Variants in DPYSL2 observed in about 807,000 individuals in gnomAD.
DPYSL2 encodes dihydropyrimidinase like 2, also known as dihydropyrimidinase-related protein 2.
A neutral mutation model predicts 69.9 loss-of-function variants in DPYSL2; 13 were observed. The observed-to-expected ratio is 0.19, with a 90% CI of 0.12 to 0.30. The LOEUF (loss-of-function observed/expected upper bound fraction) is 0.30. Among genes scored for constraint, DPYSL2 ranks in the 10% least tolerant of loss-of-function variants. The pLI is 1.00. For synonymous variants in DPYSL2, 326 were observed against 359.1 expected, an observed-to-expected ratio of 0.91 and a Z score of 1.04; for missense variants, 587 against 918.9, an observed-to-expected ratio of 0.64 and a Z score of 4.67.
At chr8:26,592,724 G>A (rs1269912740) in intron 3 of DPYSL2, among the ~76,000 whole-genome samples, 1 of 151,916 alleles carries the variant, frequency 6.6e-6, no homozygotes, top group Admixed American at 6.6e-5. Context: ...TGATCCACCC[G>A]CCTCGGCCTC....
chr8:26,628,047 G>T, intron 7 of DPYSL2, 107 bp downstream of exon 7: 1 of 1,141,360 alleles, frequency 8.8e-7, no homozygotes, highest in East Asian at 2.6e-5. Flanking sequence ...CTCTGATGCT[G>T]ACTGTGGTCT....
chr8:26,647,917 C>T lies in DPYSL2; in HGVS notation c.1596+117C>T, dbSNP rs1426206627. ...CTTGCTGTGATGGGAATGCGCTCGA[C>T]TGAGGATGTTATGATTTGCAATTTG... On this transcript the variant is annotated intron_variant, in intron 11 of 13. Transcript: ENST00000521913. This position sits in a 1 kb window ranked among gnomAD's most constrained non-coding sequence, Gnocchi z 5.1. 4 of 1,245,462 alleles carry T rather than the reference C, an allele frequency of 3.2e-6. No individual in the cohort carries two copies. Among genetic ancestry groups the T allele is most frequent in the South Asian group, 1.6e-5 (1 of 64,308 alleles). 77.2% of individuals were successfully genotyped at this position (1,245,462 alleles called of 1,614,324 possible).
intron 13 of DPYSL2, among the ~76,000 whole-genome samples, chr8:26,655,401 T>G (rs1445562203): frequency 1.3e-5 from 2 of 151,806 alleles, no homozygotes; most frequent in African/African-American, 4.8e-5. Flanking sequence ...GGGGGCCGAG[T>G]GGGAGGATGG....
intron 3 of DPYSL2, among the ~76,000 whole-genome samples, chr8:26,592,517 C>T (rs2129778263): frequency 6.7e-6 from 1 of 149,116 alleles, no homozygotes; most frequent in South Asian, 2.1e-4. Context: ...CTCTTGTTGC[C>T]CAGGCTAGAG....
chr8:26,644,184 C>G lies in DPYSL2; in HGVS notation c.1425+93C>G. 6.8e-7 allele frequency: 1 copy of G among 1,475,416 alleles called. No homozygotes were observed. The highest frequency in any genetic ancestry group is 9.1e-7 in the Non-Finnish European group (1 of 1,097,624). The allele number at this position is 1,475,416 out of a possible 1,614,324, so 91.4% of individuals were successfully genotyped here. A position where few individuals can be genotyped will look rare whatever the true frequency, so the allele number is the denominator to read the frequency against. ...GGGGCTCATGGAGGCCTTGAAATGA[C>G]AGACAGTGGAGGACATCCTAGAAGC... On this transcript the variant is annotated intron_variant, in intron 10 of 13. Coordinates refer to ENST00000521913, the MANE Select transcript of DPYSL2 (RefSeq NM_001197293.3). This position sits in a 1 kb window ranked among gnomAD's most constrained non-coding sequence, Gnocchi z 4.5.
At chr8:26,636,893 C>A (rs909192192) in intron 8 of DPYSL2, among the ~76,000 whole-genome samples, 1 of 152,214 alleles carries the variant, frequency 6.6e-6, no homozygotes, top group African/African-American at 2.4e-5. Flanking sequence ...GGCGCCCCCC[C>A]ATCACACCCA....
chr8:26,604,946 C>T (rs1802077084), intron 3 of DPYSL2, among the ~76,000 whole-genome samples: 1 of 152,150 alleles, frequency 6.6e-6, no homozygotes, highest in Non-Finnish European at 1.5e-5. Context: ...AGGCTTGAGC[C>T]ACTGTGCCTG....
chr8:26,595,978 GTTAT>G (rs1345068701), intron 3 of DPYSL2, among the ~76,000 whole-genome samples: 2 of 151,806 alleles, frequency 1.3e-5, no homozygotes, highest in Admixed American at 6.6e-5. Context: ...TTTAATTACT[GTTAT>G]TTATTTATTT....
rs1488077612 is a variant in DPYSL2, at chr8:26,657,784, T to TA, written c.*2082dup. On this transcript the variant is annotated 3_prime_UTR_variant, in exon 14 of 14. Coordinates refer to ENST00000521913, the MANE Select transcript of DPYSL2 (RefSeq NM_001197293.3). Reference sequence around the variant, plus strand: ...TTGGTTGTTTTCTTAAAAAACAAGTTAAAACCTGACGATTTCTGCAGGCTG... The same window carrying TA: ...TTGGTTGTTTTCTTAAAAAACAAGTTAAAAACCTGACGATTTCTGCAGGCTG... 6.5e-6 allele frequency: 1 copy of TA among 152,678 alleles called. No homozygotes were observed. The highest frequency in any genetic ancestry group is 1.5e-5 in the Non-Finnish European group (1 of 68,042). 9.5% of individuals were successfully genotyped at this position (152,678 alleles called of 1,614,324 possible). A position where few individuals can be genotyped will look rare whatever the true frequency, so the allele number is the denominator to read the frequency against.
At position 26,644,723 on chromosome 8, in the gene DPYSL2, C is replaced by G. The variant is rs1273288462; in HGVS notation, c.1425+632C>G. ...ACTTCCTTAGCAACCAGGTGACTTA[C>G]TCAGTTAATCCTCGTCTACTCTTGG... On this transcript the variant is annotated intron_variant, in intron 10 of 13. Transcript: ENST00000521913. This position sits in a 1 kb window ranked among gnomAD's most constrained non-coding sequence, Gnocchi z 4.5. Among the ~76,000 whole-genome samples, 1 of 152,112 alleles carries G rather than the reference C, an allele frequency of 6.6e-6. No individual in the cohort carries two copies. Among genetic ancestry groups the G allele is most frequent in the East Asian group, 1.9e-4 (1 of 5,188 alleles).
chr8:26,626,093 C>T lies in DPYSL2; in HGVS notation c.794-524C>T, dbSNP rs1466758661. Reference sequence around the variant, plus strand: ...CAAGTGGAATCATATAGTATTTGTCCTTTTGCAACTGGCTTATTTCATTTA... The same window carrying T: ...CAAGTGGAATCATATAGTATTTGTCTTTTTGCAACTGGCTTATTTCATTTA... On this transcript the variant is annotated intron_variant, in intron 4 of 13. Coordinates refer to ENST00000521913, the MANE Select transcript of DPYSL2 (RefSeq NM_001197293.3). The surrounding 1 kb of genome is among the most constrained non-coding windows in gnomAD (Gnocchi z 4.3). Among the ~76,000 whole-genome samples, 2 of 152,160 alleles carry T rather than the reference C, an allele frequency of 1.3e-5. No individual in the cohort carries two copies. Among genetic ancestry groups the T allele is most frequent in the African/African-American group, 2.4e-5 (1 of 41,448 alleles).
Position 26,610,535 on chromosome 8 carries a change from C to T in DPYSL2, c.629-13608C>T, listed in dbSNP as rs1452460832. ...ATGCAGTTTCATGCAGAAGACTTAG[C>T]TAGATGAGTGACTCAAAGTTCCATG... is the stretch of plus-strand genomic sequence containing the variant. On this transcript the variant is annotated intron_variant, in intron 3 of 13. Coordinates refer to ENST00000521913, the MANE Select transcript of DPYSL2 (RefSeq NM_001197293.3). This position sits in a 1 kb window ranked among gnomAD's most constrained non-coding sequence, Gnocchi z 4.5. Among the ~76,000 whole-genome samples the T allele has an allele frequency of 6.6e-6, 1 of 152,136 alleles. No homozygotes were observed. The highest frequency in any genetic ancestry group is 2.4e-5 in the African/African-American group (1 of 41,418).
intron 1 of DPYSL2, among the ~76,000 whole-genome samples, chr8:26,575,587 A>T (rs930191470): frequency 2.0e-5 from 3 of 152,104 alleles, no homozygotes; most frequent in African/African-American, 7.2e-5. Flanking sequence ...GATATTTACG[A>T]GTGGAAACGT....
In DPYSL2 at chr8:26,614,022, C is replaced by A. The variant is rs965295291; in HGVS notation, c.629-10121C>A. 6.6e-6 allele frequency among the ~76,000 whole-genome samples: 1 copy of A among 151,978 alleles called. No individual in the cohort carries two copies. Reference sequence around the variant, plus strand: ...GCACGTGCCTGTGGTCCCAGCTACTCGGGAGGTTGAGGTGGGAGGATCGCT... The same window carrying A: ...GCACGTGCCTGTGGTCCCAGCTACTAGGGAGGTTGAGGTGGGAGGATCGCT... On this transcript the variant is annotated intron_variant, in intron 3 of 13. Coordinates refer to ENST00000521913, the MANE Select transcript of DPYSL2 (RefSeq NM_001197293.3). The surrounding 1 kb of genome is among the most constrained non-coding windows in gnomAD (Gnocchi z 4.9).
intron 1 of DPYSL2, among the ~76,000 whole-genome samples, chr8:26,527,951 C>T (rs574669517): frequency 9.9e-5 from 15 of 151,870 alleles, no homozygotes; most frequent in South Asian, 8.3e-4. Context: ...TACAGGCACG[C>T]GACACAGCAC....
intron 1 of DPYSL2, among the ~76,000 whole-genome samples, chr8:26,543,015 T>C (rs1230944953): frequency 1.3e-5 from 2 of 152,152 alleles, no homozygotes; most frequent in East Asian, 3.8e-4. Flanking sequence ...TAGAAAAAAG[T>C]ATAATCCCAC....
intron 3 of DPYSL2, among the ~76,000 whole-genome samples, chr8:26,616,615 A>G (rs1802354000): frequency 6.6e-6 from 1 of 152,238 alleles, no homozygotes; most frequent in Non-Finnish European, 1.5e-5. Flanking sequence ...GTAAATATCC[A>G]GGGAGCAGGG....
intron 1 of DPYSL2, among the ~76,000 whole-genome samples, chr8:26,528,179 C>T (rs1808511694): frequency 6.6e-6 from 1 of 152,156 alleles, no homozygotes; most frequent in Admixed American, 6.5e-5. Flanking sequence ...TGAGGTGGCA[C>T]CTCTGCCTCT....
chr8:26,599,315 GGTAAAGGT>G (rs1195312335), intron 3 of DPYSL2, among the ~76,000 whole-genome samples: 2 of 152,110 alleles, frequency 1.3e-5, no homozygotes, highest in Admixed American at 1.3e-4. Flanking sequence ...CCCCCTGGCA[GGTAAAGGT>G]GGCCCCTACT....
Sources: gnomAD v4.1 joint callset for allele counts (sites outside exome capture counted in the v4.1 genomes callset) on GRCh38, gnomAD v4.1.1 for gene constraint, Gnocchi (gnomAD v3.1) non-coding constraint, MANE v1.5 for transcripts, NCBI Gene and HGNC (gene_info 2026-07-23, HGNC 2026-07-21) for gene names.